TSHZ1: variants seen among roughly 807,000 people sequenced by gnomAD.
TSHZ1 encodes teashirt homolog 1.
In TSHZ1, 12 loss-of-function variants were observed where a neutral mutation model predicts 67.1. The observed-to-expected ratio is 0.18, with a 90% CI of 0.11 to 0.29. The LOEUF (loss-of-function observed/expected upper bound fraction) is 0.29. Ranked by LOEUF, TSHZ1 falls within the 10% of genes least tolerant of loss-of-function variation. The pLI is 1.00. For missense variants in TSHZ1, 1,305 were observed against 1,413.9 expected, an observed-to-expected ratio of 0.92 and a Z score of 1.23; for synonymous variants, 632 against 622.4, an observed-to-expected ratio of 1.02 and a Z score of -0.23.
At chr18:75,267,631 A>T (rs2023505565) in intron 1 of TSHZ1, among the ~76,000 whole-genome samples, 1 of 152,232 alleles carries the variant, frequency 6.6e-6, no homozygotes, top group African/African-American at 2.4e-5. Flanking sequence ...GTACTGTTAA[A>T]TGATAGCCGT....
intron 1 of TSHZ1, among the ~76,000 whole-genome samples, chr18:75,231,337 C>T (rs2022996100): frequency 6.6e-6 from 1 of 152,208 alleles, no homozygotes; most frequent in African/African-American, 2.4e-5. Context: ...GGGGCATGGT[C>T]CTTCGGAGGT....
In TSHZ1 at chr18:75,211,921, C is replaced by A; in HGVS notation, c.40+5C>A. ...AGGCCCCCCGGCGCTCGGCAGGTAA[C>A]GGGCGCGCGGCCCGCGCCGCGGGGA... On this transcript the variant is annotated splice_donor_5th_base_variant and intron_variant, in intron 1 of 1. Coordinates refer to ENST00000580243, the MANE Select transcript of TSHZ1 (RefSeq NM_001308210.2). 2.5e-6 allele frequency: 3 copies of A among 1,200,878 alleles called. No homozygotes were observed. The highest frequency in any genetic ancestry group is 3.1e-6 in the Non-Finnish European group (3 of 968,482). The allele number at this position is 1,200,878 out of a possible 1,614,324, so 74.4% of individuals were successfully genotyped here.
chr18:75,280,852 G>T (rs779197164), intron 1 of TSHZ1: 1 of 982,946 alleles, frequency 1.0e-6, no homozygotes, highest in Non-Finnish European at 1.2e-6. Context: ...GGTGAATTCC[G>T]TGAGGGGATT....
chr18:75,255,021 G>A (rs2023346245), intron 1 of TSHZ1, among the ~76,000 whole-genome samples: 1 of 152,036 alleles, frequency 6.6e-6, no homozygotes, highest in Non-Finnish European at 1.5e-5. Flanking sequence ...AATTCTTTAA[G>A]TATTTTATGG....
intron 1 of TSHZ1, among the ~76,000 whole-genome samples, chr18:75,261,732 T>C (rs1246330596): frequency 1.3e-5 from 2 of 152,222 alleles, no homozygotes; most frequent in African/African-American, 4.8e-5. Flanking sequence ...CTGTCATCAT[T>C]TGAATGCTGT....
intron 1 of TSHZ1, among the ~76,000 whole-genome samples, chr18:75,248,637 AT>A (rs370843805): frequency 6.6e-6 from 1 of 152,342 alleles, no homozygotes; most frequent in African/African-American, 2.4e-5. Context: ...AAAACCACAA[AT>A]TTCTAAAAGA....
intron 1 of TSHZ1, among the ~76,000 whole-genome samples, chr18:75,219,812 G>A (rs768985929): frequency 3.3e-5 from 5 of 152,258 alleles, no homozygotes; most frequent in Non-Finnish European, 7.3e-5. Context: ...TTGTATATGT[G>A]TGTAAGTGTA....
In TSHZ1 at chr18:75,287,663, C is replaced by T. The variant is rs766667496; in HGVS notation, c.2256C>T (p.Ile752=). Residue 752 remains isoleucine, a synonymous_variant, in exon 2 of 2, where the codon ATC becomes ATT. Transcript: ENST00000580243. This position sits in a 1 kb window ranked among gnomAD's most constrained non-coding sequence, Gnocchi z 5.0. Reference sequence around the variant, plus strand: ...ACCCGCTGAGCGCTTTGCAGTCCATCATGAACACCCACCTGGGCAAGGTGT... The same window carrying T: ...ACCCGCTGAGCGCTTTGCAGTCCATTATGAACACCCACCTGGGCAAGGTGT... The part of the protein sequence containing the change: ...FINPLSALQS[I]MNTHLGKVSK... 1 of 1,614,218 alleles carries T rather than the reference C, an allele frequency of 6.2e-7. No homozygotes were observed.
intron 1 of TSHZ1, among the ~76,000 whole-genome samples, chr18:75,233,060 A>AGCAGCCTGGGAGCAGTTATGAGCTGGGCC (rs2023020558): frequency 6.6e-6 from 1 of 152,214 alleles, no homozygotes; most frequent in Non-Finnish European, 1.5e-5. Context: ...GCCTGTGTCC[A>AGCAGCCTGGGAGCAGTTATGAGCTGGGCC]GCAGCCTGGG....
intron 1 of TSHZ1, among the ~76,000 whole-genome samples, chr18:75,276,289 A>AT (rs1214759786): frequency 0.049 from 820 of 16,852 alleles, 7 homozygotes; most frequent in African/African-American, 0.15. Context: ...AATTGTTTCT[A>AT]TTGTTTTTTT....
At chr18:75,284,147 G>A (rs2023720863) in intron 1 of TSHZ1, 1 of 152,648 alleles carries the variant, frequency 6.6e-6, no homozygotes, top group Admixed American at 6.5e-5. Context: ...AGTGTTCCTT[G>A]CAGTAGTCTC....
intron 1 of TSHZ1, among the ~76,000 whole-genome samples, chr18:75,241,083 C>T (rs80220061): frequency 0.011 from 1,700 of 152,186 alleles, 35 homozygotes; most frequent in African/African-American, 0.038. Context: ...GGCTGCTCCA[C>T]GACAATTTTG....
rs79426955 is a variant in TSHZ1 at position 75,272,017 on chromosome 18, G to A, written c.41-13431G>A. Among the ~76,000 whole-genome samples the A allele has an allele frequency of 2.4e-3, 359 of 152,262 alleles. 3 individuals are homozygous for A. Among genetic ancestry groups the A allele is most frequent in the East Asian group, 0.014 (72 of 5,186 alleles). On this transcript the variant is annotated intron_variant, in intron 1 of 1. Coordinates refer to ENST00000580243, the MANE Select transcript of TSHZ1 (RefSeq NM_001308210.2). The stretch of plus-strand genomic sequence containing the variant: ...TCTAACATCTGTCCTACCCCATAAT[G>A]GTAATTTGTATAAGTAATGGAAACA...
chr18:75,219,909 C>T (rs1187276641), intron 1 of TSHZ1, among the ~76,000 whole-genome samples: 1 of 152,178 alleles, frequency 6.6e-6, no homozygotes, highest in African/African-American at 2.4e-5. Flanking sequence ...TATGGAGGCA[C>T]CTGTGATACA....
At chr18:75,261,784 T>C (rs2023433829) in intron 1 of TSHZ1, among the ~76,000 whole-genome samples, 1 of 152,246 alleles carries the variant, frequency 6.6e-6, no homozygotes. Context: ...ATTGGGTATT[T>C]GAAATCAAAT....
At chr18:75,219,073 T>A (rs891436568) in intron 1 of TSHZ1, among the ~76,000 whole-genome samples, 1 of 152,170 alleles carries the variant, frequency 6.6e-6, no homozygotes, top group African/African-American at 2.4e-5. Flanking sequence ...AATACCTTCA[T>A]GGTGAAGGGA....
intron 1 of TSHZ1, among the ~76,000 whole-genome samples, chr18:75,218,827 G>A (rs1026107530): frequency 2.6e-5 from 4 of 152,250 alleles, no homozygotes; most frequent in Admixed American, 6.5e-5. Context: ...GGGATGAGGC[G>A]GAGCCTCCCA....
At chr18:75,240,751 C>T (rs866348758) in intron 1 of TSHZ1, among the ~76,000 whole-genome samples, 6 of 152,096 alleles carry the variant, frequency 3.9e-5, no homozygotes, top group Non-Finnish European at 7.4e-5. Context: ...ACTCCCTGCA[C>T]GAGGGTTTCC....
chr18:75,278,626 C>G (rs936106237), intron 1 of TSHZ1, among the ~76,000 whole-genome samples: 1 of 151,862 alleles, frequency 6.6e-6, no homozygotes, highest in East Asian at 1.9e-4. Flanking sequence ...CGTGAAAGAC[C>G]GGGGGTGGAG....
Sources: gnomAD v4.1 joint callset for allele counts (sites outside exome capture counted in the v4.1 genomes callset) on GRCh38, gnomAD v4.1.1 for gene constraint, Gnocchi (gnomAD v3.1) non-coding constraint, MANE v1.5 for transcripts, NCBI Gene and HGNC (gene_info 2026-07-23, HGNC 2026-07-21) for gene names.